ZNF577: variants seen among roughly 807,000 people sequenced by gnomAD.
ZNF577 encodes the protein zinc finger protein 577.
A neutral mutation model predicts 13.9 loss-of-function variants in ZNF577; 14 were observed. The observed-to-expected ratio is 1.00, with a 90% CI of 0.66 to 1.57. ZNF577 has a LOEUF of 1.57. Ranked by LOEUF, ZNF577 falls within the 40% of genes most tolerant of loss-of-function variation. The pLI is 0.00. For synonymous variants in ZNF577, 203 were observed against 202.9 expected (o/e 1.00, Z 0.00); for missense variants, 555 against 579.2 (o/e 0.96, Z 0.43).
chr19:51,829,738 C>T (rs2084251801), intron 9 of ZNF577, among the ~76,000 whole-genome samples: 1 of 152,114 alleles, frequency 6.6e-6, no homozygotes, highest in African/African-American at 2.4e-5. Context: ...ATGAAAGGAT[C>T]AAGTCACCTA....
chr19:51,866,087 C>T (rs1365402153), downstream of ZNF577, among the ~76,000 whole-genome samples: 1 of 151,684 alleles, frequency 6.6e-6, no homozygotes, highest in Non-Finnish European at 1.5e-5. Flanking sequence ...TGCACTCCAG[C>T]CTGGCGACAG....
At chr19:51,883,883 G>A (rs1222122196) in intron 1 of ZNF577, among the ~76,000 whole-genome samples, 2 of 152,132 alleles carry the variant, frequency 1.3e-5, no homozygotes, top group East Asian at 1.9e-4. Context: ...GACCAGCCTG[G>A]CCAACAGGAA....
In ZNF577 at chr19:51,869,547, C is replaced by T. The variant is rs2084620868; in HGVS notation, c.*2985G>A. Among the ~76,000 whole-genome samples the T allele has an allele frequency of 6.6e-6, 1 of 152,076 alleles. No individual in the cohort carries two copies. The highest frequency in any genetic ancestry group is 2.4e-5 in the African/African-American group (1 of 41,392). On this transcript the variant is annotated 3_prime_UTR_variant, in exon 6 of 6. Coordinates refer to ENST00000638348, the MANE Select transcript of ZNF577 (RefSeq NM_001370449.1). Reference sequence around the variant, plus strand: ...GCTGAGGGAACTCAGAGACCAGTGCCGGTGCGGGTCCTCCATATGCTGAGC... The same window carrying T: ...GCTGAGGGAACTCAGAGACCAGTGCTGGTGCGGGTCCTCCATATGCTGAGC...
In ZNF577 at chr19:51,872,670, C is replaced by T. The variant is rs748664535; in HGVS notation, c.1320G>A (p.Val440=). The change falls in exon 6 of 6, where the codon GTG becomes GTA. Residue 440 remains valine (V), a synonymous_variant. Coordinates refer to ENST00000638348, the MANE Select transcript of ZNF577 (RefSeq NM_001370449.1). ...CTTGATTTCTTGGAAAAGGTTGTTCCACAATCACTACATTTCTGCCCACTA... is the reference window on the plus strand; with the variant it reads ...CTTGATTTCTTGGAAAAGGTTGTTCTACAATCACTACATTTCTGCCCACTA... ...ERLVGRNVVI[V]EQPFPRNQAF... 2.5e-6 allele frequency: 4 copies of T among 1,614,182 alleles called. No individual in the cohort carries two copies. The highest frequency in any genetic ancestry group is 3.4e-6 in the Non-Finnish European group (4 of 1,180,022).
At chr19:51,886,027 C>A (rs1235592175) in intron 1 of ZNF577, 1 of 151,958 alleles carries the variant, frequency 6.6e-6, no homozygotes, top group Non-Finnish European at 1.5e-5. Flanking sequence ...GCAAAAGAAG[C>A]CAGCCACAAA....
intron 10 of ZNF577, among the ~76,000 whole-genome samples, chr19:51,810,833 A>G (rs2084091667): frequency 6.6e-6 from 1 of 152,170 alleles, no homozygotes; most frequent in South Asian, 2.1e-4. Flanking sequence ...GGGTGTGTTC[A>G]TGAATAACCT....
chr19:51,842,631 G>A (rs1448056159), intron 8 of ZNF577, among the ~76,000 whole-genome samples: 1 of 152,166 alleles, frequency 6.6e-6, no homozygotes, highest in African/African-American at 2.4e-5. Context: ...AGCAGCACAA[G>A]TGGACTATGA....
intron 3 of ZNF577, among the ~76,000 whole-genome samples, chr19:51,879,439 C>G (rs1398160991): frequency 1.3e-5 from 2 of 149,352 alleles, no homozygotes; most frequent in African/African-American, 2.5e-5. Context: ...TGTGGTGGCA[C>G]GCACCTGTAA....
chr19:51,854,833 T>C (rs2084401921), intron 5 of ZNF577, among the ~76,000 whole-genome samples: 1 of 152,140 alleles, frequency 6.6e-6, no homozygotes, highest in Non-Finnish European at 1.5e-5. Flanking sequence ...TGTTTTTCAC[T>C]TTTTTTCTGT....
intron 5 of ZNF577, among the ~76,000 whole-genome samples, chr19:51,854,745 ACTTT>A (rs953903489): frequency 5.3e-5 from 8 of 152,070 alleles, no homozygotes; most frequent in African/African-American, 1.9e-4. Flanking sequence ...CCCTCTATTT[ACTTT>A]CTGAGACTTT....
At chr19:51,859,895 C>T (rs1289877415) in intron 5 of ZNF577, among the ~76,000 whole-genome samples, 1 of 152,052 alleles carries the variant, frequency 6.6e-6, no homozygotes, top group African/African-American at 2.4e-5. Flanking sequence ...ATATAAAGTA[C>T]ATGTCACATA....
chr19:51,881,770 C>T (rs1568450731), intron 1 of ZNF577, among the ~76,000 whole-genome samples: 1 of 152,182 alleles, frequency 6.6e-6, no homozygotes, highest in Non-Finnish European at 1.5e-5. Flanking sequence ...GATGCTCAGC[C>T]TGCTCCTTCC....
chr19:51,813,157 CACA>C (rs1424656052), intron 9 of ZNF577, among the ~76,000 whole-genome samples: 2 of 149,824 alleles, frequency 1.3e-5, no homozygotes, highest in Non-Finnish European at 3.0e-5. Context: ...CACACACACA[CACA>C]CCCCATAAAT....
rs2084687074 is a variant in ZNF577 at position 51,872,976 on chromosome 19, C to G, written c.1014G>C (p.Lys338Asn). The change falls in exon 6 of 6, where the codon AAG (lysine) becomes AAC (asparagine). Residue 338 changes from lysine (K) to asparagine (N), a missense_variant. By Grantham distance (94) the Lys-to-Asn change is moderately conservative. Transcript: ENST00000638348. ...TACGCTGATGCTGAATGAGCTTCGA[C>G]TTGCTTCTAAAGGCTTTTTCACACT... ...CSECEKAFRSKSKLIQHQRTH... is the reference protein window; with the variant it reads ...CSECEKAFRSNSKLIQHQRTH... 2 of 1,614,064 alleles carry G rather than the reference C, an allele frequency of 1.2e-6. No individual in the cohort carries two copies. The highest frequency in any genetic ancestry group is 2.2e-5 in the East Asian group (1 of 44,890).
At chr19:51,817,806 C>T (rs2084151191) in intron 9 of ZNF577, 1 of 152,142 alleles carries the variant, frequency 6.6e-6, no homozygotes. Context: ...AAGCCAGGGA[C>T]TGGCCACAAG....
At chr19:51,848,423 G>T (rs2084364943) in intron 5 of ZNF577, among the ~76,000 whole-genome samples, 1 of 152,154 alleles carries the variant, frequency 6.6e-6, no homozygotes, top group Non-Finnish European at 1.5e-5. Flanking sequence ...ATGTGGAAGA[G>T]GTATCTGTAC....
rs2084653919 is a variant in ZNF577, at chr19:51,871,167, G to C, written c.*1365C>G. Reference sequence around the variant, plus strand: ...CACCCACGCTGTAGTGCAGTGGCATGATCATAGCTCACTGCAGTCACTGCA... The same window carrying C: ...CACCCACGCTGTAGTGCAGTGGCATCATCATAGCTCACTGCAGTCACTGCA... On this transcript the variant is annotated 3_prime_UTR_variant, in exon 6 of 6. Coordinates refer to ENST00000638348, the MANE Select transcript of ZNF577 (RefSeq NM_001370449.1). The C allele has an allele frequency of 6.6e-6, 1 of 152,068 alleles. No homozygotes were observed. Among genetic ancestry groups the C allele is most frequent in the South Asian group, 2.1e-4 (1 of 4,824 alleles). 9.4% of individuals were successfully genotyped at this position (152,068 alleles called of 1,614,324 possible).
chr19:51,847,919 C>T (rs2084361378), intron 5 of ZNF577, among the ~76,000 whole-genome samples: 1 of 152,222 alleles, frequency 6.6e-6, no homozygotes, highest in Non-Finnish European at 1.5e-5. Flanking sequence ...CTCAGTAGCA[C>T]TTTGGAAGGC....
At chr19:51,878,579 G>A (rs1463748433) in intron 3 of ZNF577, 64 bp from the exon 4 acceptor site, 14 of 1,588,890 alleles carry the variant, frequency 8.8e-6, no homozygotes, top group African/African-American at 2.7e-5. Context: ...GAAGAGGGAC[G>A]GGGACATGTC....
Sources: allele counts gnomAD v4.1 joint callset (sites outside exome capture counted in the v4.1 genomes callset), GRCh38; gene constraint gnomAD v4.1.1; transcripts MANE v1.5; gene names NCBI Gene and HGNC (gene_info 2026-07-23, HGNC 2026-07-21).